Variants in SRRM2 observed in about 807,000 individuals in gnomAD.
SRRM2 encodes the protein serine/arginine repetitive matrix 2.
Under a neutral mutation model 213.8 loss-of-function variants are expected in SRRM2, and 30 were observed. The observed-to-expected ratio is 0.14, with a 90% CI of 0.10 to 0.19. The LOEUF (loss-of-function observed/expected upper bound fraction) is 0.19. SRRM2 is among the 10% of genes least tolerant of loss of function. The pLI is 1.00. For missense variants in SRRM2, 4,904 were observed against 3,647.0 expected, an observed-to-expected ratio of 1.34 and a Z score of -8.88; for synonymous variants, 2,025 against 1,377.7, an observed-to-expected ratio of 1.47 and a Z score of -10.40.
chr16:2,757,724 C>T (rs2068196639), intron 3 of SRRM2, 57 bp from the exon 4 acceptor site: 6 of 1,594,846 alleles, frequency 3.8e-6, no homozygotes, highest in Non-Finnish European at 5.1e-6. Flanking sequence ...TACTTGTGTT[C>T]TGAATATGGC....
In SRRM2 at chr16:2,766,683, G is replaced by C. The variant is rs201843028; in HGVS notation, c.6155G>C (p.Arg2052Pro). 261 of 1,614,052 alleles carry C rather than the reference G, an allele frequency of 1.6e-4. No individual in the cohort carries two copies. Among genetic ancestry groups the C allele is most frequent in the Middle Eastern group, 8.2e-4 (5 of 6,084 alleles). The part of the protein sequence containing the change: ...SRSRSPLAIR[R>P]RSRSRTPRTA... ...AGTCGCTCACCACTTGCTATCCGCC[G>C]CCGCTCCAGATCCCGTACTCCACGA... is the stretch of plus-strand genomic sequence containing the variant. Residue 2052 changes from arginine to proline, a missense_variant, in exon 11 of 15, where the codon CGC (arginine) becomes CCC (proline). Arg to Pro is a moderately radical substitution (Grantham distance 103). Coordinates refer to ENST00000301740, the MANE Select transcript of SRRM2 (RefSeq NM_016333.4). This position sits in a 1 kb window ranked among gnomAD's most constrained non-coding sequence, Gnocchi z 7.0.
rs369220618 is a variant in SRRM2 at position 2,770,902 on chromosome 16, C to T, written c.*35C>T. On this transcript the variant is annotated 3_prime_UTR_variant, in exon 15 of 15. Coordinates refer to ENST00000301740, the MANE Select transcript of SRRM2 (RefSeq NM_016333.4). ...GGGGGATTCCACCACACCCAATGCT[C>T]TGGAGCCACAAGGAGTGTCCCTTCT... 6.2e-7 allele frequency: 1 copy of T among 1,613,238 alleles called. No homozygotes were observed. Among genetic ancestry groups the T allele is most frequent in the Non-Finnish European group, 8.5e-7 (1 of 1,179,782 alleles).
In SRRM2 at chr16:2,762,562, T is replaced by C. The variant is rs1181441731; in HGVS notation, c.2034T>C (p.Ser678=). The C allele has an allele frequency of 1.9e-6, 3 of 1,613,394 alleles. No homozygotes were observed. Among genetic ancestry groups the C allele is most frequent in the South Asian group, 1.1e-5 (1 of 90,996 alleles). ...RSRSRTPARR[S]GRSRSRTPAR... ...GCTCTAGAACCCCAGCTAGACGCAG[T>C]GGTCGCTCACGCTCCAGAACACCAG... Residue 678 remains serine, a synonymous_variant, in exon 11 of 15, where the codon AGT becomes AGC. Coordinates refer to ENST00000301740, the MANE Select transcript of SRRM2 (RefSeq NM_016333.4).
intron 2 of SRRM2, 95 bp downstream of exon 2, chr16:2,756,701 G>T: frequency 1.3e-6 from 2 of 1,491,188 alleles, no homozygotes; most frequent in East Asian, 2.3e-5. Context: ...GTTGAAAGAG[G>T]CCTGGCAAAG....
In SRRM2 at chr16:2,765,963, G is replaced by A. The variant is rs200176718; in HGVS notation, c.5435G>A (p.Arg1812Gln). ...QRSRSRSRVT[R>Q]RRRGGSGYHS... Reference sequence around the variant, plus strand: ...AGCCGGTCAAGGTCGCGGGTTACTCGGCGGCGGAGGGGAGGCTCTGGTTAT... The same window carrying A: ...AGCCGGTCAAGGTCGCGGGTTACTCAGCGGCGGAGGGGAGGCTCTGGTTAT... Residue 1812 changes from arginine to glutamine, a missense_variant, in exon 11 of 15, where the codon CGG becomes CAG. Coordinates refer to ENST00000301740, the MANE Select transcript of SRRM2 (RefSeq NM_016333.4). 99 of 1,613,946 alleles carry A rather than the reference G, an allele frequency of 6.1e-5. No individual in the cohort carries two copies. In the Middle Eastern group the frequency reaches 6.6e-4, roughly 11 times the overall value.
In SRRM2 at chr16:2,763,102, C is replaced by A; in HGVS notation, c.2574C>A (p.Pro858=). The A allele has an allele frequency of 2.5e-6, 4 of 1,614,158 alleles. No homozygotes were observed. Among genetic ancestry groups the A allele is most frequent in the Non-Finnish European group, 3.4e-6 (4 of 1,180,024 alleles). ...CGAGGCAAGGGTCCATAACAAGTCC[C>A]CAGGCCAATGAGCAATCTGTAACGC... ...TPPRQGSITS[P]QANEQSVTPQ... The change falls in exon 11 of 15, where the codon CCC becomes CCA. Residue 858 remains proline (P), a synonymous_variant. Transcript: ENST00000301740.
In SRRM2 at chr16:2,764,892, C is replaced by T. The variant is rs772132679; in HGVS notation, c.4364C>T (p.Ser1455Leu). ...CTTAGAGATGGGTCTGGGACTCCCT[C>T]GAGGCACAGCCTGTCTGGGTCCTCT... ...PGLRDGSGTP[S>L]RHSLSGSSPG... The change falls in exon 11 of 15, where the codon TCG (serine) becomes TTG (leucine). Residue 1455 changes from serine (S) to leucine (L), a missense_variant. Ser to Leu is a moderately radical substitution (Grantham distance 145, BLOSUM62 -2). Coordinates refer to ENST00000301740, the MANE Select transcript of SRRM2 (RefSeq NM_016333.4). 4 of 1,614,148 alleles carry T rather than the reference C, an allele frequency of 2.5e-6. No individual in the cohort carries two copies. Among genetic ancestry groups the T allele is most frequent in the South Asian group, 2.2e-5 (2 of 91,084 alleles).
In SRRM2 at chr16:2,764,728, G is replaced by C; in HGVS notation, c.4200G>C (p.Gln1400His). The change falls in exon 11 of 15, where the codon CAG (glutamine) becomes CAC (histidine). Residue 1400 changes from glutamine to histidine, a missense_variant. By Grantham distance (24) the Gln-to-His change is conservative. Transcript: ENST00000301740. ...AVEKAGMSSNQSISSPVLDAV... is the reference protein window; with the variant it reads ...AVEKAGMSSNHSISSPVLDAV... The stretch of plus-strand genomic sequence containing the variant: ...AAAAGGCAGGGATGTCTTCAAATCA[G>C]AGCATCTCTTCACCTGTGCTTGATG... 1 of 1,614,108 alleles carries C rather than the reference G, an allele frequency of 6.2e-7. No individual in the cohort carries two copies. The highest frequency in any genetic ancestry group is 8.5e-7 in the Non-Finnish European group (1 of 1,180,020).
chr16:2,753,901 C>T (rs925696492), intron 1 of SRRM2, among the ~76,000 whole-genome samples: 1 of 152,066 alleles, frequency 6.6e-6, no homozygotes, highest in Non-Finnish European at 1.5e-5. Flanking sequence ...CTTGTCTCCC[C>T]TTTTTCTCCC....
In SRRM2 at chr16:2,762,690, G is replaced by C. The variant is rs748426167; in HGVS notation, c.2162G>C (p.Arg721Thr). The change falls in exon 11 of 15, where the codon AGA becomes ACA. Residue 721 changes from arginine to threonine, a missense_variant. Transcript: ENST00000301740. ...TCTCACTCTAGAACACCTCAAAGAA[G>C]AGGCAGATCTGGCTCATCTTCAGAG... is the stretch of plus-strand genomic sequence containing the variant. Reference protein sequence around the residue: ...GRSHSRTPQRRGRSGSSSERK... With the variant: ...GRSHSRTPQRTGRSGSSSERK... 10 of 1,614,202 alleles carry C rather than the reference G, an allele frequency of 6.2e-6. No homozygotes were observed. The highest frequency in any genetic ancestry group is 7.6e-6 in the Non-Finnish European group (9 of 1,180,038).
intron 12 of SRRM2, 185 bp from the exon 13 acceptor site, chr16:2,770,167 G>T: frequency 6.9e-7 from 1 of 1,440,968 alleles, no homozygotes; most frequent in Admixed American, 2.9e-5. Flanking sequence ...TGCACCCTGT[G>T]CCTGCCCACT....
In SRRM2 at chr16:2,762,783, C is replaced by A; in HGVS notation, c.2255C>A (p.Ser752Tyr). 6.2e-7 allele frequency: 1 copy of A among 1,614,140 alleles called. No individual in the cohort carries two copies. Residue 752 changes from serine to tyrosine, a missense_variant, in exon 11 of 15, where the codon TCT becomes TAT. Physicochemically the swap from Ser to Tyr is moderately radical, Grantham distance 144. Transcript: ENST00000301740. ...AATTCAAGCCCAGAAATGAAGAAATCTCGCATTTCTTCAAGGCGGAGCAGG... is the reference window on the plus strand; with the variant it reads ...AATTCAAGCCCAGAAATGAAGAAATATCGCATTTCTTCAAGGCGGAGCAGG... ...RSNSSPEMKK[S>Y]RISSRRSRSL...
chr16:2,753,037 C>CCA (rs1450786732), intron 1 of SRRM2, among the ~76,000 whole-genome samples, 191 bp downstream of exon 1: 14 of 2,190 alleles, frequency 6.4e-3, no homozygotes, highest in Non-Finnish European at 0.024. Flanking sequence ...GCGGGCTTCA[C>CCA]CCCCCCCCGC....
rs1329726666 is a variant in SRRM2, at chr16:2,767,376, A to G, written c.6848A>G (p.Asn2283Ser). The stretch of plus-strand genomic sequence containing the variant: ...ACAGCGGTGGCACCTTCGGCTGTGA[A>G]CCTGGCTGACCCTCGCACTCCCACA... ...PRTAVAPSAV[N>S]LADPRTPTAP... The change falls in exon 11 of 15, where the codon AAC becomes AGC. Residue 2283 changes from asparagine to serine, a missense_variant. Physicochemically the swap from Asn to Ser is conservative, Grantham distance 46. Transcript: ENST00000301740. 6.2e-7 allele frequency: 1 copy of G among 1,613,676 alleles called. No homozygotes were observed. Among genetic ancestry groups the G allele is most frequent in the Non-Finnish European group, 8.5e-7 (1 of 1,179,986 alleles).
In SRRM2 at chr16:2,767,986, T is replaced by C. The variant is rs771453579; in HGVS notation, c.7458T>C (p.Ser2486=). 9 of 1,614,090 alleles carry C rather than the reference T, an allele frequency of 5.6e-6. No homozygotes were observed. The highest frequency in any genetic ancestry group is 7.6e-6 in the Non-Finnish European group (9 of 1,180,036). Residue 2486 remains serine, a synonymous_variant, in exon 11 of 15, where the codon TCT becomes TCC. Coordinates refer to ENST00000301740, the MANE Select transcript of SRRM2 (RefSeq NM_016333.4). ...GGGCAGTGGCAACGACCACGTCCTC[T>C]GCTGGTGATCACAATGGCATGCTCT... is the stretch of plus-strand genomic sequence containing the variant. The part of the protein sequence containing the change: ...SSGAVATTTS[S]AGDHNGMLSV...
In SRRM2 at chr16:2,771,372, G is replaced by C. The variant is rs188485694; in HGVS notation, c.*505G>C. The C allele has an allele frequency of 1.7e-4, 276 of 1,599,852 alleles. No individual in the cohort carries two copies. The African/African-American group carries it at 3.3e-3, about 19-fold the overall frequency. Reference sequence around the variant, plus strand: ...TGGTTTTTTAAAATCTGTACAGCAAGAGCAACTTTTTCTGTCAAATAAAAA... The same window carrying C: ...TGGTTTTTTAAAATCTGTACAGCAACAGCAACTTTTTCTGTCAAATAAAAA... On this transcript the variant is annotated 3_prime_UTR_variant, in exon 15 of 15. Transcript: ENST00000301740.
chr16:2,770,276 C>G (rs2068694699), intron 12 of SRRM2, 76 bp from the exon 13 acceptor site: 1 of 1,484,014 alleles, frequency 6.7e-7, no homozygotes, highest in Non-Finnish European at 9.0e-7. Context: ...TGGTCAGGAC[C>G]TGGGCGGGTG....
intron 5 of SRRM2, chr16:2,758,773 T>C: frequency 1.5e-6 from 1 of 689,076 alleles, no homozygotes; most frequent in Non-Finnish European, 2.4e-6. Context: ...TTTTGGATTC[T>C]GGAATTTTCT....
At chr16:2,768,357 T>C (rs1242508256) in intron 11 of SRRM2, 96 bp downstream of exon 11, 12 of 1,396,390 alleles carry the variant, frequency 8.6e-6, no homozygotes, top group Non-Finnish European at 1.1e-5. Context: ...GGTGCTTGGC[T>C]CTTGGAGGAG....
Sources: allele counts gnomAD v4.1 joint callset (sites outside exome capture counted in the v4.1 genomes callset), GRCh38; gene constraint gnomAD v4.1.1; non-coding constraint Gnocchi (gnomAD v3.1); transcripts MANE v1.5; gene names NCBI Gene and HGNC (gene_info 2026-07-23, HGNC 2026-07-21).